Variants in PNISR observed in about 807,000 individuals in gnomAD.
The protein encoded by PNISR is PNN interacting serine and arginine rich protein, also known as arginine/serine-rich protein PNISR.
Under a neutral mutation model 93.4 loss-of-function variants are expected in PNISR, and 20 were observed. The ratio of observed to expected loss-of-function variants is 0.21; its 90% CI spans 0.15 to 0.31. The LOEUF is 0.31. Ranked by LOEUF, PNISR falls within the 10% of genes least tolerant of loss-of-function variation. PNISR has a pLI of 1.00. For synonymous variants in PNISR, 305 were observed against 306.5 expected, an observed-to-expected ratio of 0.99 and a Z score of 0.05; for missense variants, 893 against 985.4, an observed-to-expected ratio of 0.91 and a Z score of 1.25.
chr6:99,402,355 G>A (rs952341455), intron 11 of PNISR, among the ~76,000 whole-genome samples, 185 bp downstream of exon 11: 1 of 151,958 alleles, frequency 6.6e-6, no homozygotes, highest in African/African-American at 2.4e-5. Context: ...AAATAGCTTG[G>A]CTTATAGCCA....
chr6:99,416,688 T>C (rs893691520), intron 1 of PNISR, among the ~76,000 whole-genome samples: 4 of 151,878 alleles, frequency 2.6e-5, no homozygotes, highest in African/African-American at 7.3e-5. Context: ...TAAAAAACAA[T>C]GTCAAACAAT....
chr6:99,412,432 T>C, intron 4 of PNISR, 119 bp downstream of exon 4: 1 of 760,594 alleles, frequency 1.3e-6, no homozygotes, highest in Non-Finnish European at 2.3e-6. Flanking sequence ...GAAAACTGCC[T>C]ATTCTTTAAG....
At chr6:99,410,569 G>A in intron 5 of PNISR, 172 bp downstream of exon 5, 1 of 533,860 alleles carries the variant, frequency 1.9e-6, no homozygotes. Flanking sequence ...AAAAAAATCA[G>A]AAAACAAATT....
intron 9 of PNISR, chr6:99,404,279 A>C: frequency 5.3e-6 from 2 of 379,170 alleles, no homozygotes; most frequent in Non-Finnish European, 9.7e-6. Flanking sequence ...AGTCAAAATA[A>C]ACTGTATCAG....
chr6:99,412,476 A>G, intron 4 of PNISR, 75 bp downstream of exon 4: 5 of 1,053,140 alleles, frequency 4.7e-6, no homozygotes, highest in Non-Finnish European at 7.0e-6. Flanking sequence ...ACAACTAAGC[A>G]AATTAAAAAA....
rs746818709 is a variant in PNISR, at chr6:99,401,055, T to C, written c.1903A>G (p.Arg635Gly). The C allele has an allele frequency of 6.2e-7, 1 of 1,613,802 alleles. No individual in the cohort carries two copies. Among genetic ancestry groups the C allele is most frequent in the Admixed American group, 1.7e-5 (1 of 60,006 alleles). The change falls in exon 12 of 12, where the codon AGG becomes GGG. Residue 635 changes from arginine (R) to glycine (G), a missense_variant. By Grantham distance (125) the Arg-to-Gly change is moderately radical (BLOSUM62 -2). Coordinates refer to ENST00000369239, the MANE Select transcript of PNISR (RefSeq NM_032870.4). ...DRRTNRASRS[R>G]SRDRRKIDDQ... ...TCAATTTTACGCCTATCTCGACTCC[T>C]ACTGCGACTGGCACGATTGGTTCGT...
At position 99,401,280 on chromosome 6, in the gene PNISR, TAC is replaced by T; in HGVS notation, c.1676_1677del (p.Ser559LysfsTer3). On this transcript the variant is annotated frameshift_variant, in exon 12 of 12. Coordinates refer to ENST00000369239, the MANE Select transcript of PNISR (RefSeq NM_032870.4). LOFTEE classifies it high-confidence loss of function. ...GCTTTGATTGTTGGAGATCTACTCC[TAC>T]TGTGTCTCTTTTTCCTTTTAGGAGA... ...SSSPKRKKRH[S>X]RSRSPTIKAR... is the part of the protein sequence containing the mutation. 6.2e-7 allele frequency: 1 copy of T among 1,614,018 alleles called. No individual in the cohort carries two copies. The highest frequency in any genetic ancestry group is 8.5e-7 in the Non-Finnish European group (1 of 1,179,860).
Position 99,402,547 on chromosome 6 carries a change from C to T in PNISR, c.1320G>A (p.Gln440=). 2.5e-6 allele frequency: 4 copies of T among 1,610,298 alleles called. No individual in the cohort carries two copies. The highest frequency in any genetic ancestry group is 3.4e-6 in the Non-Finnish European group (4 of 1,177,590). The part of the protein sequence containing the change: ...EKEQQLLHDK[Q]MEEEKQQTER... ...CTAAAAGGTATACTACACCTTCCATCTGTTTATCATGTAATAGCTGCTGTT... is the reference window on the plus strand; with the variant it reads ...CTAAAAGGTATACTACACCTTCCATTTGTTTATCATGTAATAGCTGCTGTT... The change falls in exon 11 of 12, where the codon CAG becomes CAA. Residue 440 remains glutamine, a synonymous_variant. Transcript: ENST00000369239.
Position 99,425,253 on chromosome 6 carries a change from G to C in PNISR, c.-150C>G. On this transcript the variant is annotated 5_prime_UTR_variant, in exon 1 of 12. Transcript: ENST00000369239. ...GGAACACCCTTGTCGCCGCCGTTCC[G>C]GTAACACCTCTCCAACGCTTTCGAT... is the stretch of plus-strand genomic sequence containing the variant. 1 of 1,232,130 alleles carries C rather than the reference G, an allele frequency of 8.1e-7. No homozygotes were observed. The highest frequency in any genetic ancestry group is 3.1e-4 in the Middle Eastern group (1 of 3,208). 76.3% of individuals were successfully genotyped at this position (1,232,130 alleles called of 1,614,324 possible).
intron 9 of PNISR, 78 bp from the exon 10 acceptor site, chr6:99,403,960 G>A: frequency 1.0e-6 from 1 of 972,634 alleles, no homozygotes; most frequent in South Asian, 1.4e-5. Flanking sequence ...CTATGGTATT[G>A]TTAAATCTAC....
rs1288442720 is a variant in PNISR, at chr6:99,409,171, A to C, written c.673+2T>G. On this transcript the variant is annotated splice_donor_variant, in intron 6 of 11. Coordinates refer to ENST00000369239, the MANE Select transcript of PNISR (RefSeq NM_032870.4). LOFTEE classifies it high-confidence loss of function. ...GTCCACTAAACTAAGTTAAATAGCT[A>C]CCAATTTGTGGAGGCTCCTGCTTCA... is the stretch of plus-strand genomic sequence containing the variant. 6.2e-7 allele frequency: 1 copy of C among 1,612,156 alleles called. No individual in the cohort carries two copies. Among genetic ancestry groups the C allele is most frequent in the Non-Finnish European group, 8.5e-7 (1 of 1,178,392 alleles).
intron 1 of PNISR, among the ~76,000 whole-genome samples, chr6:99,424,462 C>A (rs1211562423): frequency 6.6e-6 from 1 of 151,818 alleles, no homozygotes; most frequent in Non-Finnish European, 1.5e-5. Context: ...TCTCTATAAG[C>A]CCTTTGCCAC....
chr6:99,401,375 C>G lies in PNISR; in HGVS notation c.1583G>C (p.Ser528Thr). Residue 528 changes from serine to threonine, a missense_variant, in exon 12 of 12, where the codon AGT (serine) becomes ACT (threonine). By Grantham distance (58) the Ser-to-Thr change is moderately conservative. Transcript: ENST00000369239. ...SSSNSRTSST[S>T]STVSSSSYSS... ...GTATGAAGAGCTAGAGACAGTACTA[C>G]TAGTACTACTAGTTCTGCTATTGCT... 1 of 1,601,306 alleles carries G rather than the reference C, an allele frequency of 6.2e-7. No individual in the cohort carries two copies. Among genetic ancestry groups the G allele is most frequent in the Non-Finnish European group, 8.6e-7 (1 of 1,168,438 alleles).
rs181428244 is a variant in PNISR at position 99,401,302 on chromosome 6, A to C, written c.1656T>G (p.Pro552=). 15 of 1,613,996 alleles carry C rather than the reference A, an allele frequency of 9.3e-6. No individual in the cohort carries two copies. Among genetic ancestry groups the C allele is most frequent in the Non-Finnish European group, 1.3e-5 (15 of 1,179,974 alleles). ...TCCTACTGTGTCTCTTTTTCCTTTT[A>C]GGAGAAGAAGACCGAGAAGAAGTAC... The part of the protein sequence containing the change: ...SSRTSSRSSS[P]KRKKRHSRSR... The change falls in exon 12 of 12, where the codon CCT becomes CCG. Residue 552 remains proline (P), a synonymous_variant. Transcript: ENST00000369239.
chr6:99,424,211 A>G (rs1241950154), intron 1 of PNISR, among the ~76,000 whole-genome samples: 1 of 152,222 alleles, frequency 6.6e-6, no homozygotes, highest in African/African-American at 2.4e-5. Flanking sequence ...GAACAGAAAA[A>G]GGACTTTAGG....
At chr6:99,404,505 T>C (rs1439056890) in intron 9 of PNISR, 98 bp downstream of exon 9, 2 of 749,466 alleles carry the variant, frequency 2.7e-6, no homozygotes, top group South Asian at 1.4e-5. Context: ...TATTCAAATA[T>C]CTGGTAGAAA....
At chr6:99,412,480 TA>T in intron 4 of PNISR, 70 bp downstream of exon 4, 1 of 1,116,862 alleles carries the variant, frequency 9.0e-7, no homozygotes, top group Non-Finnish European at 1.3e-6. Flanking sequence ...CTAAGCAAAT[TA>T]AAAAATTTAA....
At position 99,400,532 on chromosome 6, in the gene PNISR, A is replaced by G. The variant is rs772739747; in HGVS notation, c.*8T>C. 4 of 1,586,702 alleles carry G rather than the reference A, an allele frequency of 2.5e-6. No individual in the cohort carries two copies. The South Asian group carries it at 4.7e-5, about 19-fold the overall frequency. ...TTAAAAATCAGACAAAATACTTTAA[A>G]AAGTATACTACCTTGATCGGGACTT... is the stretch of plus-strand genomic sequence containing the variant. On this transcript the variant is annotated 3_prime_UTR_variant, in exon 12 of 12. Transcript: ENST00000369239.
chr6:99,406,459 C>G (rs535135796), intron 7 of PNISR, among the ~76,000 whole-genome samples: 2 of 152,032 alleles, frequency 1.3e-5, no homozygotes, highest in Admixed American at 6.6e-5. Context: ...AAACATAATG[C>G]CCAGAGACTG....
Sources: gnomAD v4.1 joint callset for allele counts (sites outside exome capture counted in the v4.1 genomes callset) on GRCh38, gnomAD v4.1.1 for gene constraint, MANE v1.5 for transcripts, NCBI Gene and HGNC (gene_info 2026-07-23, HGNC 2026-07-21) for gene names.